The following LRRC7 variants were observed in gnomAD, a reference collection of about 807,000 sequenced individuals.
The protein encoded by LRRC7 is leucine-rich repeat-containing protein 7.
Under a neutral mutation model 175.7 loss-of-function variants are expected in LRRC7, and 23 were observed. That is an observed-to-expected ratio of 0.13 (90% CI 0.09 to 0.19). The LOEUF (loss-of-function observed/expected upper bound fraction) is 0.19, where lower values mean the gene tolerates loss of function less well. Among genes scored for constraint, LRRC7 ranks in the 10% least tolerant of loss-of-function variants. The pLI is 1.00. For synonymous variants in LRRC7, 685 were observed against 680.9 expected (o/e 1.01, Z -0.09); for missense variants, 1,354 against 1,904.7 (o/e 0.71, Z 5.38).
At chr1:69,586,887 A>G (rs1646425620) in intron 1 of LRRC7, among the ~76,000 whole-genome samples, 1 of 152,042 alleles carries the variant, frequency 6.6e-6, no homozygotes, top group African/African-American at 2.4e-5. Flanking sequence ...TGGATTTTCT[A>G]TTTTCCAAAT....
At chr1:69,601,283 T>G (rs1647060156) in intron 1 of LRRC7, among the ~76,000 whole-genome samples, 1 of 152,176 alleles carries the variant, frequency 6.6e-6, no homozygotes, top group South Asian at 2.1e-4. Flanking sequence ...ATATTTCTGT[T>G]TGTAACCATC....
At chr1:69,805,135 G>A (rs558729456) in intron 4 of LRRC7, among the ~76,000 whole-genome samples, 1 of 151,856 alleles carries the variant, frequency 6.6e-6, no homozygotes, top group South Asian at 2.1e-4. Flanking sequence ...TAGTTATCAT[G>A]AAAGGCAATC....
chr1:69,981,340 C>G (rs976318725), intron 9 of LRRC7, among the ~76,000 whole-genome samples: 1 of 152,098 alleles, frequency 6.6e-6, no homozygotes, highest in Admixed American at 6.6e-5. Context: ...GCAAAACCAA[C>G]AAGAACAAGA....
At chr1:69,847,788 T>C (rs558269071) in intron 7 of LRRC7, among the ~76,000 whole-genome samples, 1 of 152,214 alleles carries the variant, frequency 6.6e-6, no homozygotes, top group South Asian at 2.1e-4. Flanking sequence ...TTCTCATCTC[T>C]ACCATTGGAA....
chr1:70,046,117 A>T (rs182323906), intron 22 of LRRC7, among the ~76,000 whole-genome samples: 1 of 152,128 alleles, frequency 6.6e-6, no homozygotes, highest in Non-Finnish European at 1.5e-5. Context: ...TCATATGAAG[A>T]TGCCCCTATT....
chr1:70,085,776 C>T (rs1367518357), intron 24 of LRRC7, among the ~76,000 whole-genome samples: 1 of 152,178 alleles, frequency 6.6e-6, no homozygotes, highest in Non-Finnish European at 1.5e-5. Flanking sequence ...CACAGTTCAT[C>T]CCACTATCTG....
chr1:69,918,644 T>C (rs931876393), intron 7 of LRRC7, among the ~76,000 whole-genome samples: 3 of 152,072 alleles, frequency 2.0e-5, no homozygotes, highest in African/African-American at 7.2e-5. Flanking sequence ...ATGCCATCTC[T>C]GAAAACAGAA....
intron 24 of LRRC7, among the ~76,000 whole-genome samples, chr1:70,080,636 T>G (rs1487541247): frequency 6.6e-6 from 1 of 152,236 alleles, no homozygotes; most frequent in Non-Finnish European, 1.5e-5. Flanking sequence ...TATAAAATGT[T>G]ACCCAGATTC....
chr1:70,050,059 A>G (rs577626645), intron 22 of LRRC7, among the ~76,000 whole-genome samples: 4 of 152,192 alleles, frequency 2.6e-5, no homozygotes, highest in South Asian at 2.1e-4. Context: ...CTGCTGTACC[A>G]TCTAAGCTTA....
At chr1:69,809,212 A>G (rs1677515429) in intron 4 of LRRC7, among the ~76,000 whole-genome samples, 1 of 152,206 alleles carries the variant, frequency 6.6e-6, no homozygotes, top group African/African-American at 2.4e-5. Flanking sequence ...CACCCTCCCA[A>G]GTCTAAACCA....
At chr1:69,906,078 A>G (rs1204752153) in intron 7 of LRRC7, among the ~76,000 whole-genome samples, 2 of 152,158 alleles carry the variant, frequency 1.3e-5, no homozygotes, top group Admixed American at 1.3e-4. Flanking sequence ...GTCTGTTCAT[A>G]TCATTCACCC....
At chr1:69,905,527 G>A (rs1027768255) in intron 7 of LRRC7, among the ~76,000 whole-genome samples, 12 of 152,066 alleles carry the variant, frequency 7.9e-5, no homozygotes, top group South Asian at 6.2e-4. Flanking sequence ...TTGTCCTTGC[G>A]AGAGTTTGCT....
chr1:69,605,287 G>T (rs563495306), intron 1 of LRRC7, among the ~76,000 whole-genome samples: 7 of 152,198 alleles, frequency 4.6e-5, no homozygotes, highest in Admixed American at 3.9e-4. Context: ...TTTGCCTTCT[G>T]CCATGATTGT....
At chr1:69,757,774 G>T (rs1351398755) in intron 2 of LRRC7, among the ~76,000 whole-genome samples, 1 of 151,834 alleles carries the variant, frequency 6.6e-6, no homozygotes, top group Non-Finnish European at 1.5e-5. Flanking sequence ...ATGAACAATT[G>T]ATTTATTATT....
chr1:69,599,759 T>A (rs2100988621), intron 1 of LRRC7, among the ~76,000 whole-genome samples: 2 of 152,250 alleles, frequency 1.3e-5, no homozygotes, highest in South Asian at 2.1e-4. Flanking sequence ...TATCTTTCCT[T>A]CCCCACAAGT....
intron 2 of LRRC7, among the ~76,000 whole-genome samples, chr1:69,755,482 A>G (rs942545992): frequency 1.3e-5 from 2 of 150,586 alleles, no homozygotes; most frequent in African/African-American, 4.9e-5. Flanking sequence ...AGAAATTTTT[A>G]GAATACAAGA....
chr1:70,001,007 T>C (rs1217355422), intron 11 of LRRC7, among the ~76,000 whole-genome samples: 1 of 152,230 alleles, frequency 6.6e-6, no homozygotes, highest in East Asian at 1.9e-4. Context: ...TCTTTCATGA[T>C]ACTTTTCGCA....
In LRRC7 at chr1:69,928,580, C is replaced by T. The variant is rs2421313; in HGVS notation, c.648-2927C>T. Among the ~76,000 whole-genome samples, 1,394 of 152,286 alleles carry T rather than the reference C, an allele frequency of 9.2e-3. 17 individuals are homozygous for T. Among genetic ancestry groups the T allele is most frequent in the African/African-American group, 0.029 (1,220 of 41,546 alleles). The stretch of plus-strand genomic sequence containing the variant: ...CTCAGACTGCTGTGCTAGCAATCAG[C>T]GAGACTCCGTGGGCGTAGGACCCTC... On this transcript the variant is annotated intron_variant, in intron 7 of 26. Coordinates refer to ENST00000651989, the MANE Select transcript of LRRC7 (RefSeq NM_001370785.2).
rs1263527395 is a variant in LRRC7 at position 69,734,960 on chromosome 1, T to TA, written c.101-25225dup. Among the ~76,000 whole-genome samples, 6 of 151,856 alleles carry TA rather than the reference T, an allele frequency of 4.0e-5. 1 individual carries two copies. Among genetic ancestry groups the TA allele is most frequent in the Admixed American group, 6.6e-5 (1 of 15,242 alleles). On this transcript the variant is annotated intron_variant, in intron 2 of 26. Coordinates refer to ENST00000651989, the MANE Select transcript of LRRC7 (RefSeq NM_001370785.2). ...TTCTAGATTTTTCAGAAACTGTCTA[T>TA]AAAAAACTGTTAAAAATAGGAAAAA...
Sources: allele counts gnomAD v4.1 joint callset (sites outside exome capture counted in the v4.1 genomes callset), GRCh38; gene constraint gnomAD v4.1.1; transcripts MANE v1.5; gene names NCBI Gene and HGNC (gene_info 2026-07-23, HGNC 2026-07-21).